CLPB: variants seen among roughly 807,000 people sequenced by gnomAD.
CLPB encodes mitochondrial disaggregase.
A neutral mutation model predicts 78.4 loss-of-function variants in CLPB; 40 were observed. The observed-to-expected ratio is 0.51, with a 90% CI of 0.40 to 0.66. CLPB has a LOEUF of 0.66. CLPB is among the 30% of genes least tolerant of loss of function. The pLI is 0.00. For synonymous variants in CLPB, 333 were observed against 348.0 expected (o/e 0.96, Z 0.48); for missense variants, 780 against 886.9 (o/e 0.88, Z 1.53).
At chr11:72,383,842 G>A (rs146979244) in intron 3 of CLPB, among the ~76,000 whole-genome samples, 1 of 152,220 alleles carries the variant, frequency 6.6e-6, no homozygotes, top group Non-Finnish European at 1.5e-5. Context: ...CAGGTCTGAC[G>A]GTAATAAATT....
At chr11:72,422,543 T>C (rs1433644443) in intron 2 of CLPB, among the ~76,000 whole-genome samples, 1 of 152,202 alleles carries the variant, frequency 6.6e-6, no homozygotes, top group Non-Finnish European at 1.5e-5. Flanking sequence ...TGTGATGATC[T>C]TCAGAAGCTC....
intron 5 of CLPB, among the ~76,000 whole-genome samples, chr11:72,351,084 C>T (rs1365005004): frequency 1.3e-5 from 2 of 152,114 alleles, no homozygotes; most frequent in Non-Finnish European, 2.9e-5. Context: ...TATTCAATCA[C>T]CTGACACAAG....
intron 3 of CLPB, among the ~76,000 whole-genome samples, chr11:72,386,136 G>A (rs189022600): frequency 1.2e-4 from 18 of 152,248 alleles, no homozygotes; most frequent in African/African-American, 3.9e-4. Context: ...TACCAAAATA[G>A]AGTAGTTTTT....
rs1565427523 is a variant in CLPB, at chr11:72,307,224, T to C, written c.1097A>G (p.Lys366Arg). ...GKTELAKQTA[K>R]YMHKDAKKGF... ...CTTTTTAGCATCTTTGTGCATATAT[T>C]TGGCTGTCTGCTTGGCCAGCTCTGT... is the stretch of plus-strand genomic sequence containing the variant. Residue 366 changes from lysine to arginine, a missense_variant, in exon 9 of 16, where the codon AAA becomes AGA. Around this residue, in one of 3 missense-constraint regions of CLPB, gnomAD observed 91 missense variants for 168.2 expected, o/e 0.54. Transcript: ENST00000538039. The C allele has an allele frequency of 1.9e-6, 3 of 1,614,166 alleles. No homozygotes were observed. The highest frequency in any genetic ancestry group is 1.7e-6 in the Non-Finnish European group (2 of 1,180,038).
rs1259983362 is a variant in CLPB, at chr11:72,287,801, G to C, written c.*5566C>G. ...CTCTGATTTCAAATTTGTTGCCATA[G>C]AGTTCTATTCTTCTTCTCAATTCCT... On this transcript the variant is annotated 3_prime_UTR_variant, in exon 16 of 16. Transcript: ENST00000538039. The C allele has an allele frequency of 6.6e-6, 1 of 152,122 alleles. No homozygotes were observed. The highest frequency in any genetic ancestry group is 1.5e-5 in the Non-Finnish European group (1 of 68,016). The allele number at this position is 152,122 out of a possible 1,614,324, so 9.4% of individuals were successfully genotyped here.
chr11:72,370,437 A>C (rs1951021359), intron 4 of CLPB, among the ~76,000 whole-genome samples: 1 of 152,340 alleles, frequency 6.6e-6, no homozygotes, highest in Non-Finnish European at 1.5e-5. Flanking sequence ...GGTGGCCAGA[A>C]CCAGCACTAT....
At chr11:72,317,902 G>A (rs1180791908) in intron 6 of CLPB, among the ~76,000 whole-genome samples, 1 of 152,214 alleles carries the variant, frequency 6.6e-6, no homozygotes, top group Non-Finnish European at 1.5e-5. Context: ...AAGGCAGCAG[G>A]AGAAGCCTAA....
At chr11:72,330,586 G>A (rs1950206465) in intron 5 of CLPB, among the ~76,000 whole-genome samples, 1 of 152,204 alleles carries the variant, frequency 6.6e-6, no homozygotes, top group East Asian at 1.9e-4. Flanking sequence ...TGCTGTCACA[G>A]CCTTCCCAAA....
At chr11:72,333,720 T>C (rs985113921) in intron 5 of CLPB, among the ~76,000 whole-genome samples, 4 of 152,100 alleles carry the variant, frequency 2.6e-5, no homozygotes, top group African/African-American at 9.7e-5. Flanking sequence ...AGGAACAAAG[T>C]GCTCAGGGAC....
intron 7 of CLPB, among the ~76,000 whole-genome samples, chr11:72,309,895 T>C (rs2135515124): frequency 6.6e-6 from 1 of 152,206 alleles, no homozygotes; most frequent in South Asian, 2.1e-4. Flanking sequence ...GATTTGACAG[T>C]GTTTGGGATG....
At chr11:72,325,044 G>A (rs1324289284) in intron 6 of CLPB, among the ~76,000 whole-genome samples, 6 of 152,122 alleles carry the variant, frequency 3.9e-5, no homozygotes, top group Admixed American at 6.6e-5. Flanking sequence ...TAAATTCCTC[G>A]TGAGTCTCGG....
chr11:72,373,262 T>C lies in CLPB; in HGVS notation c.646+7019A>G, dbSNP rs978383732. ...TGTTTTATTGTTTTAATTGTACATA[T>C]GAGAGGCACTCAAAATGCTTGCTTG... On this transcript the variant is annotated intron_variant, in intron 4 of 15. Coordinates refer to ENST00000538039, the MANE Select transcript of CLPB (RefSeq NM_001258392.3). Among the ~76,000 whole-genome samples the C allele has an allele frequency of 2.6e-5, 4 of 152,244 alleles. No individual in the cohort carries two copies. In the East Asian group the frequency reaches 5.8e-4, roughly 22 times the overall value.
chr11:72,379,469 G>A (rs1409915431), intron 4 of CLPB, among the ~76,000 whole-genome samples: 1 of 152,134 alleles, frequency 6.6e-6, no homozygotes, highest in African/African-American at 2.4e-5. Context: ...TCCCACTTTG[G>A]AAGAAGTACT....
At chr11:72,321,861 G>A (rs565437320) in intron 6 of CLPB, among the ~76,000 whole-genome samples, 1 of 152,076 alleles carries the variant, frequency 6.6e-6, no homozygotes, top group Admixed American at 6.5e-5. Context: ...GACTCAGATG[G>A]TGACTCATAT....
At chr11:72,430,902 CT>C (rs1213768537) in intron 1 of CLPB, among the ~76,000 whole-genome samples, 1 of 152,172 alleles carries the variant, frequency 6.6e-6, no homozygotes, top group Non-Finnish European at 1.5e-5. Context: ...TCCACTCCCA[CT>C]ACTCACCACG....
chr11:72,299,546 T>C (rs1000298888), intron 11 of CLPB, among the ~76,000 whole-genome samples: 1 of 151,882 alleles, frequency 6.6e-6, no homozygotes, highest in East Asian at 1.9e-4. Context: ...TGTACTTTTA[T>C]ACATTAGGTT....
At chr11:72,402,884 G>A in intron 3 of CLPB, 82 bp downstream of exon 3, 1 of 1,121,186 alleles carries the variant, frequency 8.9e-7, no homozygotes, top group Non-Finnish European at 1.3e-6. Context: ...CAGCAGGGAG[G>A]CACACCAGGT....
intron 2 of CLPB, among the ~76,000 whole-genome samples, chr11:72,425,500 C>A (rs1342436095): frequency 6.6e-6 from 1 of 152,106 alleles, no homozygotes; most frequent in Admixed American, 6.5e-5. Flanking sequence ...GACTCATGTC[C>A]TTCTTCCTCA....
At chr11:72,305,092 T>C (rs1949722592) in intron 9 of CLPB, among the ~76,000 whole-genome samples, 1 of 152,192 alleles carries the variant, frequency 6.6e-6, no homozygotes. Flanking sequence ...TGGTTGTTTT[T>C]ATGGAGCTTC....
Sources: allele counts gnomAD v4.1 joint callset (sites outside exome capture counted in the v4.1 genomes callset), GRCh38; gene constraint gnomAD v4.1.1; regional missense constraint gnomAD v4.1.1; transcripts MANE v1.5; gene names NCBI Gene and HGNC (gene_info 2026-07-23, HGNC 2026-07-21).